Variants in TMPRSS15 observed in about 807,000 individuals in gnomAD.
The protein encoded by TMPRSS15 is enteropeptidase.
TMPRSS15 carries 128 observed loss-of-function variants against 125.3 expected under a neutral mutation model. The ratio of observed to expected loss-of-function variants is 1.02; its 90% CI spans 0.89 to 1.18. TMPRSS15 has a LOEUF of 1.18. Among genes scored for constraint, TMPRSS15 ranks in the 50% most tolerant of loss-of-function variants. The pLI, the probability that TMPRSS15 is intolerant of heterozygous loss-of-function variation, is 0.00. For missense variants in TMPRSS15, 1,283 were observed against 1,212.7 expected (o/e 1.06, Z -0.86); for synonymous variants, 446 against 423.2 (o/e 1.05, Z -0.66).
chr21:18,292,929 G>A (rs1364770015), intron 21 of TMPRSS15, among the ~76,000 whole-genome samples: 4 of 152,162 alleles, frequency 2.6e-5, no homozygotes, highest in Non-Finnish European at 5.9e-5. Context: ...CTTTAGTTAA[G>A]GGAGAGGCTG....
chr21:18,274,338 C>T (rs73208505), intron 24 of TMPRSS15, among the ~76,000 whole-genome samples: 7,912 of 152,206 alleles, frequency 0.052, 268 homozygotes, highest in Non-Finnish European at 0.074. Context: ...AGAATCCATG[C>T]TCTTCATGAC....
At chr21:18,349,797 A>G (rs571338176) in intron 10 of TMPRSS15, among the ~76,000 whole-genome samples, 4 of 152,282 alleles carry the variant, frequency 2.6e-5, no homozygotes, top group Non-Finnish European at 5.9e-5. Context: ...TAAAACCTCC[A>G]CTTGACATTC....
chr21:18,428,962 C>A (rs562145659), intron 1 of TMPRSS15, among the ~76,000 whole-genome samples: 1 of 152,266 alleles, frequency 6.6e-6, no homozygotes, highest in East Asian at 1.9e-4. Context: ...AATGCCAACT[C>A]ATGAAAGCAG....
At chr21:18,333,194 T>C (rs1201192411) in intron 13 of TMPRSS15, among the ~76,000 whole-genome samples, 1 of 152,104 alleles carries the variant, frequency 6.6e-6, no homozygotes, top group Non-Finnish European at 1.5e-5. Flanking sequence ...CCAACCTCCA[T>C]GACACGAGTT....
intron 1 of TMPRSS15, among the ~76,000 whole-genome samples, chr21:18,484,902 C>A (rs1253150844): frequency 6.6e-6 from 1 of 151,650 alleles, no homozygotes; most frequent in Admixed American, 6.6e-5. Flanking sequence ...GTCCTTAGCT[C>A]CTTGCATTAA....
rs1027707406 is a variant in TMPRSS15, at chr21:18,427,778, A to AT, written c.11-29450dup. 3.3e-5 allele frequency among the ~76,000 whole-genome samples: 5 copies of AT among 152,256 alleles called. No homozygotes were observed. In the South Asian group the frequency reaches 6.2e-4, roughly 19 times the overall value. On this transcript the variant is annotated intron_variant, in intron 1 of 7. Transcript: ENST00000422787. ...TCTGAATTTGGGAGTTTTTTAAAAC[A>AT]TTTTTTTCCCAAATGTGGATAAGGC...
Position 18,365,220 on chromosome 21 carries a change from T to C in TMPRSS15, c.693A>G (p.Leu231=), listed in dbSNP as rs373018815. 1.2e-6 allele frequency: 2 copies of C among 1,613,994 alleles called. No homozygotes were observed. Among genetic ancestry groups the C allele is most frequent in the African/African-American group, 2.7e-5 (2 of 74,924 alleles). The change falls in exon 7 of 25, where the codon TTA becomes TTG. Residue 231 remains leucine (L), a synonymous_variant. Coordinates refer to ENST00000284885, the MANE Select transcript of TMPRSS15 (RefSeq NM_002772.3). ...CCTGGAAAGACCCAGATGATCCAGT[T>C]AACAAAAATCTTCCATCACAAACTG... ...CATVCDGRFL[L]TGSSGSFQAT... is the part of the protein sequence containing the mutation.
At position 18,419,386 on chromosome 21, in the gene TMPRSS15, C is replaced by T. The variant is rs970300690; in HGVS notation, c.11-21057G>A. On this transcript the variant is annotated intron_variant, in intron 1 of 7. Coordinates refer to the TMPRSS15 transcript ENST00000422787. ...GACTACAGGCGCCCGCCACCACGCC[C>T]AGCTAATTTTTTGTATTTTTAGTAG... Among the ~76,000 whole-genome samples the T allele has an allele frequency of 6.6e-5, 10 of 152,076 alleles. No individual in the cohort carries two copies. The South Asian group carries it at 2.1e-3, about 32-fold the overall frequency.
In TMPRSS15 at chr21:18,310,933, CTTTT is replaced by C. The variant is rs71329779; in HGVS notation, c.2165+2008_2165+2011del. ...AATCTATGTTTACAGCCCACTGATT[CTTTT>C]TTTTTTTTTTTTTTTTTAACAAAGG... On this transcript the variant is annotated intron_variant, in intron 18 of 24. Coordinates refer to ENST00000284885, the MANE Select transcript of TMPRSS15 (RefSeq NM_002772.3). Among the ~76,000 whole-genome samples the C allele has an allele frequency of 8.8e-3, 1,202 of 136,832 alleles. 12 individuals carry two copies. Among genetic ancestry groups the C allele is most frequent in the Middle Eastern group, 0.02 (5 of 256 alleles). The allele number at this position is 136,832 out of a possible 152,430, so 89.8% of individuals were successfully genotyped here. A position where few individuals can be genotyped will look rare whatever the true frequency, so the allele number is the denominator to read the frequency against.
chr21:18,402,259 C>G (rs963603473), intron 1 of TMPRSS15, among the ~76,000 whole-genome samples: 1 of 151,978 alleles, frequency 6.6e-6, no homozygotes, highest in African/African-American at 2.4e-5. Flanking sequence ...TGGAAAGATA[C>G]GGTGGCTCAT....
intron 5 of TMPRSS15, among the ~76,000 whole-genome samples, chr21:18,375,116 T>A (rs966605126): frequency 1.3e-5 from 2 of 152,228 alleles, no homozygotes; most frequent in Non-Finnish European, 2.9e-5. Flanking sequence ...TAAACATTCT[T>A]CAACTGACTT....
chr21:18,286,946 T>C (rs1180156182), intron 21 of TMPRSS15, among the ~76,000 whole-genome samples: 1 of 152,200 alleles, frequency 6.6e-6, no homozygotes, highest in African/African-American at 2.4e-5. Context: ...TCAAAGAAAT[T>C]TGTGTAACAT....
At chr21:18,453,716 C>T (rs1978384707) in intron 1 of TMPRSS15, among the ~76,000 whole-genome samples, 1 of 152,196 alleles carries the variant, frequency 6.6e-6, no homozygotes, top group South Asian at 2.1e-4. Flanking sequence ...TTCATTGCAA[C>T]ATTATTCACA....
At chr21:18,282,198 G>T (rs1046344142) in intron 21 of TMPRSS15, among the ~76,000 whole-genome samples, 1 of 151,420 alleles carries the variant, frequency 6.6e-6, no homozygotes, top group East Asian at 1.9e-4. Context: ...TACAATGTTG[G>T]CCATCTATAA....
chr21:18,316,869 T>C (rs1444372029), intron 16 of TMPRSS15, among the ~76,000 whole-genome samples: 1 of 152,146 alleles, frequency 6.6e-6, no homozygotes. Context: ...GGTACAGTTA[T>C]GTGCTGGAAG....
chr21:18,418,421 G>A (rs1220117875), intron 1 of TMPRSS15, among the ~76,000 whole-genome samples: 8 of 152,280 alleles, frequency 5.3e-5, no homozygotes, highest in South Asian at 2.1e-4. Context: ...AGCCACATAC[G>A]TAGAAGCGAC....
Position 18,411,497 on chromosome 21 carries a change from TC to T in TMPRSS15, c.11-13169del, listed in dbSNP as rs549570162. 1.4e-3 allele frequency among the ~76,000 whole-genome samples: 211 copies of T among 152,336 alleles called. 3 individuals are homozygous for T. The highest frequency in any genetic ancestry group is 1.6e-3 in the Non-Finnish European group (111 of 68,016). ...CTCTTTACATTAAAAAGTCTTTTTT[TC>T]CCTGAGATTTGTTTCAGATATTCAC... On this transcript the variant is annotated intron_variant, in intron 1 of 7. Coordinates refer to the TMPRSS15 transcript ENST00000422787.
chr21:18,443,873 G>T (rs1410344387), intron 1 of TMPRSS15, among the ~76,000 whole-genome samples: 1 of 152,200 alleles, frequency 6.6e-6, no homozygotes, highest in African/African-American at 2.4e-5. Context: ...CAGCCAGAGG[G>T]TGCAGCTTCC....
intron 1 of TMPRSS15, among the ~76,000 whole-genome samples, chr21:18,478,909 C>T: frequency 6.6e-6 from 1 of 151,960 alleles, no homozygotes; most frequent in Non-Finnish European, 1.5e-5. Context: ...CCTTTCAACA[C>T]CCTCCAGACT....
Sources: allele counts gnomAD v4.1 joint callset (sites outside exome capture counted in the v4.1 genomes callset), GRCh38; gene constraint gnomAD v4.1.1; transcripts MANE v1.5; gene names NCBI Gene and HGNC (gene_info 2026-07-23, HGNC 2026-07-21).